Variants in RNF213 observed in about 807,000 individuals in gnomAD.
The protein encoded by RNF213 is E3 ubiquitin-protein ligase RNF213.
RNF213 carries 341 observed loss-of-function variants against 514.4 expected under a neutral mutation model. The ratio of observed to expected loss-of-function variants is 0.66; its 90% CI spans 0.61 to 0.73. RNF213 has a LOEUF of 0.73. RNF213 is among the 30% of genes least tolerant of loss of function. RNF213 has a pLI of 0.00. For missense variants in RNF213, 5,767 were observed against 6,615.6 expected, an observed-to-expected ratio of 0.87 and a Z score of 4.45; for synonymous variants, 2,655 against 2,658.2, an observed-to-expected ratio of 1.00 and a Z score of 0.04.
chr17:80,388,060 C>T (rs1010308321), intron 63 of RNF213, among the ~76,000 whole-genome samples: 2 of 151,066 alleles, frequency 1.3e-5, no homozygotes, highest in Non-Finnish European at 2.9e-5. Context: ...CCCGGGTTCA[C>T]TCATGCCATT....
chr17:80,298,368 G>C lies in RNF213; in HGVS notation c.2060G>C (p.Arg687Thr). ...CTGTGCCAAAGATGCATGGACACAA[G>C]GACGTACACCTGGCTGGGCGCCCTG... ...VNLCQRCMDT[R>T]TYTWLGALPV... Residue 687 changes from arginine (R) to threonine (T), a missense_variant, in exon 11 of 68, where the codon AGG becomes ACG. Arg to Thr is a moderately conservative substitution (Grantham distance 71). Transcript: ENST00000582970. 5.6e-6 allele frequency: 9 copies of C among 1,614,158 alleles called. No homozygotes were observed. Among genetic ancestry groups the C allele is most frequent in the Non-Finnish European group, 7.6e-6 (9 of 1,180,044 alleles).
Position 80,367,768 on chromosome 17 carries a change from C to T in RNF213, c.11892C>T (p.Asp3964=), listed in dbSNP as rs146256408. 452 of 1,614,152 alleles carry T rather than the reference C, an allele frequency of 2.8e-4. No homozygotes were observed. The highest frequency in any genetic ancestry group is 3.5e-4 in the Non-Finnish European group (417 of 1,179,974). The change falls in exon 43 of 68, where the codon GAC becomes GAT. Residue 3964 remains aspartate (D), a synonymous_variant. Transcript: ENST00000582970. The stretch of plus-strand genomic sequence containing the variant: ...TTCAGTGTCTTCGAGAGAACTCTGA[C>T]GTGAAGACGCACGGGCCTTTTGAGG... ...LLDKCLRENS[D]VKTHGPFEAV... is the part of the protein sequence containing the mutation.
chr17:80,383,736 C>A lies in RNF213; in HGVS notation c.14130C>A (p.Ser4710Arg). The A allele has an allele frequency of 1.2e-6, 2 of 1,614,008 alleles. No individual in the cohort carries two copies. The highest frequency in any genetic ancestry group is 4.5e-5 in the East Asian group (2 of 44,890). Reference protein sequence around the residue: ...NNLISQDKRISSNPVAKIIYG... With the variant: ...NNLISQDKRIRSNPVAKIIYG... Reference sequence around the variant, plus strand: ...TCATCAGCCAAGATAAGCGTATCAGCTCTAACCCTGTGGCCAAAATAATAT... The same window carrying A: ...TCATCAGCCAAGATAAGCGTATCAGATCTAACCCTGTGGCCAAAATAATAT... Residue 4710 changes from serine (S) to arginine (R), a missense_variant, in exon 59 of 68, where the codon AGC becomes AGA. This residue lies in a region of RNF213 where 1,245 missense variants were observed against 1,339.0 expected (regional missense o/e 0.93). Transcript: ENST00000582970.
Position 80,325,040 on chromosome 17 carries a change from G to T in RNF213, c.3035G>T (p.Ser1012Ile). Reference sequence around the variant, plus strand: ...TTAATTTTCTTGTAGTCTCAGACCAGTATCCTTCAGGGGTTCTCTTACTCT... The same window carrying T: ...TTAATTTTCTTGTAGTCTCAGACCATTATCCTTCAGGGGTTCTCTTACTCT... The part of the protein sequence containing the change: ...AVSSACQSQT[S>I]ILQGFSYSDL... The change falls in exon 18 of 68, where the codon AGT becomes ATT. Residue 1012 changes from serine to isoleucine, a missense_variant. Around this residue, in one of 13 missense-constraint regions of RNF213, gnomAD observed 516 missense variants for 566.5 expected, o/e 0.91. Transcript: ENST00000582970. 1 of 1,537,116 alleles carries T rather than the reference G, an allele frequency of 6.5e-7. No individual in the cohort carries two copies. The highest frequency in any genetic ancestry group is 8.7e-7 in the Non-Finnish European group (1 of 1,146,868).
intron 57 of RNF213, 77 bp downstream of exon 57, chr17:80,381,804 C>A: frequency 7.8e-7 from 1 of 1,289,034 alleles, no homozygotes; most frequent in Non-Finnish European, 1.1e-6. Flanking sequence ...TCTTGTGGGC[C>A]ACCCCACACA....
rs1332635147 is a variant in RNF213, at chr17:80,364,437, C to T, written c.11755C>T (p.Gln3919Ter). 6.2e-7 allele frequency: 1 copy of T among 1,614,038 alleles called. No individual in the cohort carries two copies. Among genetic ancestry groups the T allele is most frequent in the Non-Finnish European group, 8.5e-7 (1 of 1,180,036 alleles). The stretch of plus-strand genomic sequence containing the variant: ...AGTGGCGCCCTCTTTTGACAGAGCC[C>T]AGTGGAGTCGGATTTTCTCCACCGC... ...AQAVIREVRA[Q>*]WSRIFSTALF... The change falls in exon 42 of 68, where the codon CAG becomes TAG. Residue 3919 changes from glutamine (Q) to a stop codon, truncating the protein, a stop_gained. Transcript: ENST00000582970. LOFTEE classifies it high-confidence loss of function.
chr17:80,285,966 G>A (rs766488195), intron 3 of RNF213, among the ~76,000 whole-genome samples: 11 of 151,860 alleles, frequency 7.2e-5, no homozygotes, highest in African/African-American at 1.5e-4. Context: ...CTGAGCCACC[G>A]CACCTGACCT....
At chr17:80,265,036 G>GTTTGTT (rs56376128) in intron 2 of RNF213, among the ~76,000 whole-genome samples, 16,370 of 133,016 alleles carry the variant, frequency 0.12, 1,892 homozygotes, top group African/African-American at 0.31. Flanking sequence ...GTCCTTCCAT[G>GTTTGTT]TTTGTTTGTT....
At chr17:80,350,047 G>A in intron 30 of RNF213, 141 bp downstream of exon 30, 1 of 1,010,512 alleles carries the variant, frequency 9.9e-7, no homozygotes, top group South Asian at 1.4e-5. Flanking sequence ...ATCTCTCCCA[G>A]CATCCCTCTC....
At chr17:80,292,025 TG>T in intron 8 of RNF213, 198 bp downstream of exon 8, 1 of 656,380 alleles carries the variant, frequency 1.5e-6, no homozygotes, top group Admixed American at 2.3e-5. Flanking sequence ...AAAGATGTGT[TG>T]GCTTCTCCTT....
intron 22 of RNF213, among the ~76,000 whole-genome samples, chr17:80,335,626 A>G (rs186351243): frequency 9.1e-4 from 139 of 152,342 alleles, no homozygotes; most frequent in Non-Finnish European, 1.4e-3. Flanking sequence ...AGTGCAGTAC[A>G]GTGCCTGGGA....
rs893860037 is a variant in RNF213, at chr17:80,398,009, G to A, written c.*4511G>A. ...GATCAACGCAGTGGCTGAACACCGG[G>A]AAGGAACTGCCACTTGGAGTCCAGA... On this transcript the variant is annotated 3_prime_UTR_variant, in exon 68 of 68. Coordinates refer to ENST00000582970, the MANE Select transcript of RNF213 (RefSeq NM_001256071.3). 6.6e-6 allele frequency: 1 copy of A among 150,826 alleles called. No individual in the cohort carries two copies. The highest frequency in any genetic ancestry group is 2.4e-5 in the African/African-American group (1 of 40,974). The allele number at this position is 150,826 out of a possible 1,614,324, so 9.3% of individuals were successfully genotyped here. A position where few individuals can be genotyped will look rare whatever the true frequency, so the allele number is the denominator to read the frequency against.
At chr17:80,290,457 G>C in intron 6 of RNF213, 113 bp from the exon 7 acceptor site, 1 of 1,284,254 alleles carries the variant, frequency 7.8e-7, no homozygotes, top group Non-Finnish European at 1.1e-6. Context: ...GTGTGCGAGT[G>C]CATGTGTGTG....
chr17:80,298,675 CAAG>C, intron 11 of RNF213, 157 bp downstream of exon 11: 1 of 816,512 alleles, frequency 1.2e-6, no homozygotes, highest in Non-Finnish European at 2.0e-6. Context: ...TCAAAACTGT[CAAG>C]AATAGGCTGT....
intron 11 of RNF213, 116 bp from the exon 12 acceptor site, chr17:80,306,136 T>C (rs2045349724): frequency 6.0e-6 from 6 of 1,007,934 alleles, no homozygotes; most frequent in Middle Eastern, 3.0e-4. Flanking sequence ...CCTCAAGTAG[T>C]ATTTAAATCA....
chr17:80,340,547 T>TA, intron 26 of RNF213, 191 bp downstream of exon 26: 2 of 598,370 alleles, frequency 3.3e-6, no homozygotes, highest in South Asian at 3.9e-5. Flanking sequence ...CCACAATGGG[T>TA]ATTCCCTGGG....
rs1406703757 is a variant in RNF213 at position 80,346,408 on chromosome 17, G to A, written c.8073G>A (p.Val2691=). 5.0e-6 allele frequency: 8 copies of A among 1,613,300 alleles called. No homozygotes were observed. In the Admixed American group the frequency reaches 1.0e-4, roughly 20 times the overall value. The part of the protein sequence containing the change: ...VLWSLMLAIG[V]CYHASLEKKD... Reference sequence around the variant, plus strand: ...GGTCGTTGATGCTGGCCATCGGGGTGTGTTACCATGCCTCTTTAGAAAAGA... The same window carrying A: ...GGTCGTTGATGCTGGCCATCGGGGTATGTTACCATGCCTCTTTAGAAAAGA... The change falls in exon 29 of 68, where the codon GTG becomes GTA. Residue 2691 remains valine, a synonymous_variant. Coordinates refer to ENST00000582970, the MANE Select transcript of RNF213 (RefSeq NM_001256071.3). The surrounding 1 kb of genome is among the most constrained non-coding windows in gnomAD (Gnocchi z 8.1).
chr17:80,279,208 T>G (rs2044172207), intron 3 of RNF213, among the ~76,000 whole-genome samples: 1 of 152,188 alleles, frequency 6.6e-6, no homozygotes, highest in Non-Finnish European at 1.5e-5. Context: ...CTTGGACACC[T>G]GGAGAAACTT....
intron 2 of RNF213, among the ~76,000 whole-genome samples, chr17:80,265,366 A>G (rs937068468): frequency 1.3e-5 from 2 of 152,080 alleles, no homozygotes; most frequent in Admixed American, 1.3e-4. Context: ...CACTTCTATT[A>G]ATAATAGTGC....
Sources: gnomAD v4.1 joint callset for allele counts (sites outside exome capture counted in the v4.1 genomes callset) on GRCh38, gnomAD v4.1.1 for gene constraint, gnomAD v4.1.1 regional missense constraint, Gnocchi (gnomAD v3.1) non-coding constraint, MANE v1.5 for transcripts, NCBI Gene and HGNC (gene_info 2026-07-23, HGNC 2026-07-21) for gene names.